Variants in KCNH5 observed in about 807,000 individuals in gnomAD.
The protein encoded by KCNH5 is voltage-gated delayed rectifier potassium channel KCNH5.
Under a neutral mutation model 96.1 loss-of-function variants are expected in KCNH5, and 46 were observed. The ratio of observed to expected loss-of-function variants is 0.48; its 90% confidence interval spans 0.38 to 0.61. The LOEUF is 0.61. Ranked by LOEUF, KCNH5 falls within the 20% of genes least tolerant of loss-of-function variation. The pLI, the probability that KCNH5 is intolerant of heterozygous loss-of-function variation, is 0.00. For missense variants in KCNH5, 907 were observed against 1,225.8 expected (o/e 0.74, Z 3.88); for synonymous variants, 439 against 449.8 (o/e 0.98, Z 0.30).
chr14:62,922,072 A>T (rs555834748), intron 7 of KCNH5, among the ~76,000 whole-genome samples: 2 of 152,270 alleles, frequency 1.3e-5, no homozygotes, highest in Non-Finnish European at 2.9e-5. Flanking sequence ...TGATATAATA[A>T]TGCAAATGAT....
chr14:62,726,026 G>A (rs7153794), intron 10 of KCNH5, among the ~76,000 whole-genome samples: 3 of 152,160 alleles, frequency 2.0e-5, no homozygotes, highest in African/African-American at 7.2e-5. Flanking sequence ...TTATGATGAA[G>A]ATAATACTGC....
chr14:62,937,281 C>T (rs1192532512), intron 7 of KCNH5, among the ~76,000 whole-genome samples: 1 of 152,184 alleles, frequency 6.6e-6, no homozygotes, highest in Non-Finnish European at 1.5e-5. Context: ...CCACCATCAT[C>T]ATCTCTCTCC....
At chr14:62,766,209 T>C (rs1885856720) in intron 10 of KCNH5, among the ~76,000 whole-genome samples, 1 of 152,106 alleles carries the variant, frequency 6.6e-6, no homozygotes, top group Non-Finnish European at 1.5e-5. Context: ...AAACGGGACA[T>C]CTTGTGCACT....
intron 7 of KCNH5, among the ~76,000 whole-genome samples, chr14:62,895,374 AG>A (rs1888790417): frequency 6.6e-6 from 1 of 151,588 alleles, no homozygotes; most frequent in Admixed American, 6.6e-5. Flanking sequence ...CTTGTTGCCC[AG>A]GCTGGAGTGC....
At chr14:62,819,685 C>T (rs1887074648) in intron 8 of KCNH5, among the ~76,000 whole-genome samples, 1 of 152,134 alleles carries the variant, frequency 6.6e-6, no homozygotes, top group Non-Finnish European at 1.5e-5. Context: ...CTGAACAAGG[C>T]ATGGAGGAGG....
chr14:62,812,663 G>A (rs1240000421), intron 8 of KCNH5, among the ~76,000 whole-genome samples: 1 of 152,054 alleles, frequency 6.6e-6, no homozygotes. Flanking sequence ...GTTGACTAGA[G>A]AGAGTCAAAG....
intron 7 of KCNH5, among the ~76,000 whole-genome samples, chr14:62,910,939 A>ACC (rs1555363127): frequency 7.0e-6 from 1 of 142,824 alleles, no homozygotes; most frequent in East Asian, 2.1e-4. Context: ...ACACACACAC[A>ACC]CACCCCTCTG....
intron 4 of KCNH5, among the ~76,000 whole-genome samples, 194 bp from the exon 5 acceptor site, chr14:62,987,381 A>T (rs1890730259): frequency 6.6e-6 from 1 of 152,148 alleles, no homozygotes; most frequent in Admixed American, 6.6e-5. Flanking sequence ...ATAATGAGCA[A>T]TTTTTATGTG....
At chr14:62,809,612 C>T (rs540994483) in intron 8 of KCNH5, among the ~76,000 whole-genome samples, 11 of 152,124 alleles carry the variant, frequency 7.2e-5, no homozygotes, top group African/African-American at 2.4e-4. Context: ...TATGAGATTC[C>T]TTATGAAACA....
At chr14:62,751,239 G>C (rs1203199407) in intron 10 of KCNH5, among the ~76,000 whole-genome samples, 1 of 152,132 alleles carries the variant, frequency 6.6e-6, no homozygotes, top group Admixed American at 6.6e-5. Context: ...CAAAGTCCTT[G>C]AAGAGCAGCT....
At chr14:62,921,423 C>T (rs931016280) in intron 7 of KCNH5, among the ~76,000 whole-genome samples, 59 of 152,138 alleles carry the variant, frequency 3.9e-4, no homozygotes, top group African/African-American at 1.3e-3. Context: ...TAATGTCTAA[C>T]AGACCATTAA....
chr14:62,854,204 C>A (rs181934842), intron 7 of KCNH5, among the ~76,000 whole-genome samples: 2,231 of 151,934 alleles, frequency 0.015, 61 homozygotes, highest in African/African-American at 0.052. Flanking sequence ...ATCTTTTCCC[C>A]TAGGAATGCA....
chr14:62,798,479 A>C (rs1230137137), intron 9 of KCNH5, among the ~76,000 whole-genome samples: 1 of 152,214 alleles, frequency 6.6e-6, no homozygotes, highest in Non-Finnish European at 1.5e-5. Flanking sequence ...ACTAAAAAGG[A>C]ATAAGACATT....
chr14:62,750,589 T>C (rs945359680), intron 10 of KCNH5, among the ~76,000 whole-genome samples: 1 of 152,190 alleles, frequency 6.6e-6, no homozygotes, highest in African/African-American at 2.4e-5. Context: ...TCCTCTGCAA[T>C]GGATTACAGC....
intron 7 of KCNH5, among the ~76,000 whole-genome samples, chr14:62,886,153 C>CACAT (rs1888592613): frequency 8.8e-6 from 1 of 114,184 alleles, no homozygotes; most frequent in African/African-American, 3.6e-5. Context: ...CACACACACA[C>CACAT]ACACACAAGA....
chr14:62,917,601 GCT>G lies in KCNH5; in HGVS notation c.1369+32530_1369+32531del, dbSNP rs1889300417. ...ACATGTAAAATCCTGATTAATACTT[GCT>G]CTGACTATTTATTAGAAATGAGATG... On this transcript the variant is annotated intron_variant, in intron 7 of 10. Coordinates refer to ENST00000322893, the MANE Select transcript of KCNH5 (RefSeq NM_139318.5). Among the ~76,000 whole-genome samples the G allele has an allele frequency of 2.0e-5, 3 of 152,058 alleles. No homozygotes were observed. The South Asian group carries it at 6.2e-4, about 32-fold the overall frequency.
At chr14:62,974,800 A>G (rs1215976429) in intron 6 of KCNH5, among the ~76,000 whole-genome samples, 2 of 152,174 alleles carry the variant, frequency 1.3e-5, no homozygotes, top group East Asian at 3.8e-4. Context: ...CAATTTACTA[A>G]AACCTTGCTA....
At chr14:62,966,572 C>T (rs991123606) in intron 6 of KCNH5, among the ~76,000 whole-genome samples, 4 of 152,238 alleles carry the variant, frequency 2.6e-5, no homozygotes, top group Admixed American at 2.6e-4. Context: ...TTACTGTCTA[C>T]ATTAACACGA....
chr14:62,950,032 C>A (rs753857233), intron 7 of KCNH5, 101 bp downstream of exon 7: 2 of 958,574 alleles, frequency 2.1e-6, no homozygotes, highest in South Asian at 1.6e-5. Context: ...GGATTAAATA[C>A]CTTTCTGTAA....
Sources: allele counts gnomAD v4.1 joint callset (sites outside exome capture counted in the v4.1 genomes callset), GRCh38; gene constraint gnomAD v4.1.1; transcripts MANE v1.5; gene names NCBI Gene and HGNC (gene_info 2026-07-23, HGNC 2026-07-21).